NRXN1: variants seen among roughly 807,000 people sequenced by gnomAD.
NRXN1 encodes the protein neurexin 1, also known as neurexin-1.
In NRXN1, 39 loss-of-function variants were observed where a neutral mutation model predicts 150.9. The ratio of observed to expected loss-of-function variants is 0.26; its 90% CI spans 0.20 to 0.34. The LOEUF (loss-of-function observed/expected upper bound fraction) is 0.34, where lower values mean the gene tolerates loss of function less well. NRXN1 is among the 10% of genes least tolerant of loss of function. The probability of loss-of-function intolerance (pLI) is 1.00; values close to 1 mark genes in which losing one functional copy is unlikely to be tolerated. For missense variants in NRXN1, 1,815 were observed against 1,949.9 expected (o/e 0.93, Z 1.30); for synonymous variants, 924 against 757.0 (o/e 1.22, Z -3.62).
At chr2:50,687,975 T>C (rs1559125399) in intron 5 of NRXN1, among the ~76,000 whole-genome samples, 1 of 152,260 alleles carries the variant, frequency 6.6e-6, no homozygotes, top group East Asian at 1.9e-4. Context: ...ATGGAGGGCA[T>C]TGCCTGAAAG....
intron 2 of NRXN1, among the ~76,000 whole-genome samples, chr2:51,019,482 G>C (rs935157095): frequency 7.2e-5 from 11 of 152,064 alleles, no homozygotes; most frequent in Admixed American, 4.6e-4. Context: ...CCTTTAAGGA[G>C]AGGCATCTAG....
chr2:50,535,797 T>A (rs1346662875), intron 10 of NRXN1, among the ~76,000 whole-genome samples: 1 of 152,178 alleles, frequency 6.6e-6, no homozygotes. Flanking sequence ...ATGATAAACA[T>A]CTCCTATAAT....
intron 21 of NRXN1, among the ~76,000 whole-genome samples, chr2:49,968,831 G>A (rs1677423275): frequency 6.6e-6 from 1 of 152,048 alleles, no homozygotes. Flanking sequence ...TAGGCCTTCA[G>A]TGCTCCTCTA....
At chr2:50,683,544 A>G (rs1175155302) in intron 5 of NRXN1, among the ~76,000 whole-genome samples, 1 of 145,538 alleles carries the variant, frequency 6.9e-6, no homozygotes, top group Non-Finnish European at 1.5e-5. Context: ...AGACAGGATA[A>G]TGGTGTGAAC....
intron 21 of NRXN1, among the ~76,000 whole-genome samples, chr2:50,006,953 C>A (rs941999236): frequency 5.3e-5 from 8 of 152,076 alleles, no homozygotes; most frequent in African/African-American, 1.9e-4. Context: ...AGGCTAGATG[C>A]TCATCTATGA....
intron 18 of NRXN1, among the ~76,000 whole-genome samples, chr2:50,100,576 A>C (rs1700851547): frequency 6.6e-6 from 1 of 152,124 alleles, no homozygotes; most frequent in African/African-American, 2.4e-5. Flanking sequence ...GTATTTGAGA[A>C]GACATTCTCA....
chr2:50,150,846 A>T (rs1395631618), intron 18 of NRXN1, among the ~76,000 whole-genome samples: 1 of 151,702 alleles, frequency 6.6e-6, no homozygotes. Context: ...AGTAGGCTCA[A>T]ACTGGGCCAA....
chr2:50,436,913 C>A (rs1426689350), intron 17 of NRXN1, among the ~76,000 whole-genome samples: 1 of 152,048 alleles, frequency 6.6e-6, no homozygotes, highest in African/African-American at 2.4e-5. Flanking sequence ...TTCCATCTCC[C>A]AAAGTAATTT....
intron 17 of NRXN1, among the ~76,000 whole-genome samples, chr2:50,258,492 T>G (rs992415418): frequency 6.6e-6 from 1 of 152,024 alleles, no homozygotes; most frequent in Non-Finnish European, 1.5e-5. Flanking sequence ...TAGTTTTAGT[T>G]CTCTTGCTAT....
chr2:50,875,665 T>C (rs544429403), intron 5 of NRXN1, among the ~76,000 whole-genome samples: 16 of 151,762 alleles, frequency 1.1e-4, no homozygotes, highest in Admixed American at 6.6e-5. Context: ...ATTCTCCCCA[T>C]GGGATTTTCT....
intron 5 of NRXN1, among the ~76,000 whole-genome samples, chr2:50,794,990 T>C (rs913120854): frequency 1.3e-5 from 2 of 152,118 alleles, no homozygotes; most frequent in Admixed American, 1.3e-4. Context: ...AAGAACTATA[T>C]TTTTTCCAAG....
At chr2:50,636,815 A>G (rs936699209) in intron 5 of NRXN1, among the ~76,000 whole-genome samples, 5 of 152,172 alleles carry the variant, frequency 3.3e-5, no homozygotes, top group Non-Finnish European at 5.9e-5. Flanking sequence ...TGGATTTGCT[A>G]GTGTTACAGA....
intron 2 of NRXN1, among the ~76,000 whole-genome samples, chr2:50,999,503 G>C (rs1182918008): frequency 6.6e-6 from 1 of 152,014 alleles, no homozygotes; most frequent in Admixed American, 6.6e-5. Context: ...CTCCCCCATA[G>C]TTCCTCTTTT....
chr2:50,604,010 G>C (rs1676698427), intron 8 of NRXN1, among the ~76,000 whole-genome samples: 1 of 152,090 alleles, frequency 6.6e-6, no homozygotes. Context: ...TTTTGCTTGT[G>C]TTTGTATTTT....
At chr2:50,219,149 C>G (rs2063614403) in intron 18 of NRXN1, among the ~76,000 whole-genome samples, 1 of 151,954 alleles carries the variant, frequency 6.6e-6, no homozygotes, top group African/African-American at 2.4e-5. Context: ...ATCCATTTCT[C>G]AATTAGGTAT....
intron 5 of NRXN1, among the ~76,000 whole-genome samples, chr2:50,838,114 C>T (rs990299406): frequency 3.3e-5 from 5 of 152,100 alleles, no homozygotes; most frequent in African/African-American, 1.2e-4. Context: ...ATTTCATTGT[C>T]TACTGCAAGC....
intron 17 of NRXN1, among the ~76,000 whole-genome samples, chr2:50,419,908 C>T (rs999259794): frequency 2.0e-5 from 3 of 151,978 alleles, no homozygotes; most frequent in Admixed American, 6.6e-5. Context: ...CCACTGTATC[C>T]CAGCTAATGC....
intron 16 of NRXN1, among the ~76,000 whole-genome samples, chr2:50,468,762 C>G (rs772333707): frequency 2.0e-5 from 3 of 151,262 alleles, no homozygotes; most frequent in African/African-American, 4.8e-5. Context: ...CCTTACTTTT[C>G]TGAGGTTCAA....
intron 5 of NRXN1, among the ~76,000 whole-genome samples, chr2:50,891,604 A>G (rs1444315217): frequency 6.6e-6 from 1 of 152,078 alleles, no homozygotes; most frequent in Non-Finnish European, 1.5e-5. Context: ...TGACTGATTA[A>G]AACAGATTAC....
Sources: gnomAD v4.1 joint callset for allele counts (sites outside exome capture counted in the v4.1 genomes callset) on GRCh38, gnomAD v4.1.1 for gene constraint, MANE v1.5 for transcripts, NCBI Gene and HGNC (gene_info 2026-07-23, HGNC 2026-07-21) for gene names.